The following GABRG1 variants were observed in gnomAD, a reference collection of about 807,000 sequenced individuals.
GABRG1 encodes the protein gamma-aminobutyric acid type A receptor subunit gamma1.
Under a neutral mutation model 49.8 loss-of-function variants are expected in GABRG1, and 49 were observed. The ratio of observed to expected loss-of-function variants is 0.98; its 90% confidence interval spans 0.78 to 1.25. The LOEUF (loss-of-function observed/expected upper bound fraction) is 1.25, where lower values mean the gene tolerates loss of function less well. Ranked by LOEUF, GABRG1 falls within the 50% of genes most tolerant of loss-of-function variation. The pLI, the probability that GABRG1 is intolerant of heterozygous loss-of-function variation, is 0.00. For synonymous variants in GABRG1, 232 were observed against 185.1 expected, an observed-to-expected ratio of 1.25 and a Z score of -2.06; for missense variants, 552 against 552.3, an observed-to-expected ratio of 1.00 and a Z score of 0.01.
At chr4:46,066,808 T>A (rs2109410205) in intron 3 of GABRG1, among the ~76,000 whole-genome samples, 1 of 151,604 alleles carries the variant, frequency 6.6e-6, no homozygotes, top group South Asian at 2.1e-4. Context: ...CAGTAATCAA[T>A]GCCATAGAGG....
At chr4:46,084,851 G>A (rs1403447885) in intron 2 of GABRG1, among the ~76,000 whole-genome samples, 1 of 151,612 alleles carries the variant, frequency 6.6e-6, no homozygotes, top group East Asian at 1.9e-4. Context: ...AACATAGGCT[G>A]ATGACTTCTG....
intron 8 of GABRG1, among the ~76,000 whole-genome samples, chr4:46,041,604 T>C (rs192495665): frequency 6.6e-6 from 1 of 151,952 alleles, no homozygotes; most frequent in Non-Finnish European, 1.5e-5. Context: ...TATACACATC[T>C]TTTTTTGCTA....
intron 8 of GABRG1, among the ~76,000 whole-genome samples, chr4:46,044,653 A>G (rs1241908803): frequency 5.9e-5 from 9 of 152,120 alleles, no homozygotes; most frequent in Non-Finnish European, 1.3e-4. Flanking sequence ...TGGAAACATG[A>G]CTGTGGAATC....
intron 5 of GABRG1, among the ~76,000 whole-genome samples, chr4:46,062,064 C>T (rs1718715632): frequency 8.2e-6 from 1 of 122,140 alleles, no homozygotes; most frequent in African/African-American, 3.2e-5. Context: ...GTGTGATGTT[C>T]CCCTTCCTGT....
At chr4:46,047,766 TCA>T (rs1358174449) in intron 8 of GABRG1, among the ~76,000 whole-genome samples, 1 of 152,082 alleles carries the variant, frequency 6.6e-6, no homozygotes, top group African/African-American at 2.4e-5. Flanking sequence ...GTTAATTCCC[TCA>T]CAGACTCCTT....
chr4:46,075,473 G>A (rs1012571734), intron 3 of GABRG1, among the ~76,000 whole-genome samples: 9 of 152,018 alleles, frequency 5.9e-5, no homozygotes, highest in Non-Finnish European at 1.0e-4. Flanking sequence ...TAGGAATACA[G>A]GCGTGAGCCA....
intron 3 of GABRG1, 82 bp downstream of exon 3, chr4:46,083,904 A>AT (rs1719661829): frequency 1.3e-6 from 1 of 772,456 alleles, no homozygotes; most frequent in Admixed American, 2.5e-5. Context: ...ACTATAAAAA[A>AT]TTACTCACAT....
intron 8 of GABRG1, among the ~76,000 whole-genome samples, chr4:46,046,073 T>C (rs1333114188): frequency 3.3e-5 from 5 of 152,126 alleles, no homozygotes. Flanking sequence ...GACAAAATGT[T>C]CTAGGTAGAG....
rs1300945140 is a variant in GABRG1 at position 46,123,854 on chromosome 4, C to G, written c.60G>C (p.Gly20=). The change falls in exon 1 of 9, where the codon GGG becomes GGC. Residue 20 remains glycine, a synonymous_variant. Transcript: ENST00000295452. ...TCAGTAACAAGAAGACCAACCTCACCCCTCTACTTTGACTCCGCAGAAGAA... is the reference window on the plus strand; with the variant it reads ...TCAGTAACAAGAAGACCAACCTCACGCCTCTACTTTGACTCCGCAGAAGAA... ...SPFLLRSQSR[G]VRLVFLLLTL... is the part of the protein sequence containing the mutation. The G allele has an allele frequency of 6.2e-7, 1 of 1,613,696 alleles. No individual in the cohort carries two copies. The highest frequency in any genetic ancestry group is 8.5e-7 in the Non-Finnish European group (1 of 1,179,782).
At chr4:46,041,408 A>G (rs1386066071) in intron 8 of GABRG1, among the ~76,000 whole-genome samples, 154 bp from the exon 9 acceptor site, 1 of 152,004 alleles carries the variant, frequency 6.6e-6, no homozygotes, top group Non-Finnish European at 1.5e-5. Flanking sequence ...CATGTTTTAT[A>G]TTATAATTTG....
intron 8 of GABRG1, among the ~76,000 whole-genome samples, chr4:46,050,063 G>A (rs574099462): frequency 4.0e-5 from 6 of 151,862 alleles, no homozygotes; most frequent in African/African-American, 1.4e-4. Flanking sequence ...AAAATCCAGA[G>A]AAGATGCATG....
intron 3 of GABRG1, among the ~76,000 whole-genome samples, chr4:46,075,583 A>G (rs1719297106): frequency 6.6e-6 from 1 of 151,938 alleles, no homozygotes; most frequent in South Asian, 2.1e-4. Context: ...TTTCTTTTTC[A>G]CAAAATTGCC....
rs1004037490 is a variant in GABRG1 at position 46,068,640 on chromosome 4, T to G, written c.322-3056A>C. On this transcript the variant is annotated intron_variant, in intron 3 of 8. Transcript: ENST00000295452. ...TGCAGAAGCTAATACTTATAAGCCC[T>G]TTTAAATTGCTAATTTTTAATAAAT... 3.9e-5 allele frequency among the ~76,000 whole-genome samples: 6 copies of G among 152,052 alleles called. No individual in the cohort carries two copies. In the East Asian group the frequency reaches 1.2e-3, roughly 29 times the overall value.
chr4:46,056,780 T>C (rs1358403273), intron 7 of GABRG1, among the ~76,000 whole-genome samples: 1 of 152,080 alleles, frequency 6.6e-6, no homozygotes, highest in Non-Finnish European at 1.5e-5. Flanking sequence ...TGTGTGTGCA[T>C]GTATATTTAA....
intron 3 of GABRG1, among the ~76,000 whole-genome samples, chr4:46,083,659 C>G (rs1719652443): frequency 6.6e-6 from 1 of 151,088 alleles, no homozygotes; most frequent in Non-Finnish European, 1.5e-5. Flanking sequence ...TCTTTTTTTT[C>G]TCTGATTGAC....
chr4:46,124,030 C>T lies in GABRG1; in HGVS notation c.-117G>A, dbSNP rs1466548159. On this transcript the variant is annotated 5_prime_UTR_variant, in exon 1 of 9. Transcript: ENST00000295452. ...GGGAGAGTGTGGAAAGGCAGTGCAC[C>T]TCCCAAACAGGTAGGATGCGACTCC... 1.4e-6 allele frequency: 1 copy of T among 715,288 alleles called. No homozygotes were observed. Among genetic ancestry groups the T allele is most frequent in the East Asian group, 2.7e-5 (1 of 37,456 alleles). 44.3% of individuals were successfully genotyped at this position (715,288 alleles called of 1,614,324 possible). A position where few individuals can be genotyped will look rare whatever the true frequency, so the allele number is the denominator to read the frequency against.
Position 46,040,229 on chromosome 4 carries a change from A to G in GABRG1, c.*759T>C, listed in dbSNP as rs1717714184. 1 of 151,944 alleles carries G rather than the reference A, an allele frequency of 6.6e-6. No homozygotes were observed. Among genetic ancestry groups the G allele is most frequent in the African/African-American group, 2.4e-5 (1 of 41,438 alleles). 9.4% of individuals were successfully genotyped at this position (151,944 alleles called of 1,614,324 possible). A position where few individuals can be genotyped will look rare whatever the true frequency, so the allele number is the denominator to read the frequency against. On this transcript the variant is annotated 3_prime_UTR_variant, in exon 9 of 9. Coordinates refer to ENST00000295452, the MANE Select transcript of GABRG1 (RefSeq NM_173536.4). ...GTGTTAACCTCATCATACATTATAA[A>G]TGCTATGAAGCAGAGAATAAAATGG...
chr4:46,070,887 C>T (rs1560358396), intron 3 of GABRG1, among the ~76,000 whole-genome samples: 1 of 151,978 alleles, frequency 6.6e-6, no homozygotes, highest in Non-Finnish European at 1.5e-5. Context: ...ACTGTTTACT[C>T]AAAAACTACT....
intron 1 of GABRG1, among the ~76,000 whole-genome samples, chr4:46,109,084 TA>T (rs1403240512): frequency 6.6e-6 from 1 of 151,020 alleles, no homozygotes; most frequent in Non-Finnish European, 1.5e-5. Context: ...ATACTTTCAG[TA>T]GAATTGGTAC....
Sources: gnomAD v4.1 joint callset for allele counts (sites outside exome capture counted in the v4.1 genomes callset) on GRCh38, gnomAD v4.1.1 for gene constraint, MANE v1.5 for transcripts, NCBI Gene and HGNC (gene_info 2026-07-23, HGNC 2026-07-21) for gene names.